SRM: variants seen among roughly 807,000 people sequenced by gnomAD.
SRM encodes putrescine aminopropyltransferase.
Under a neutral mutation model 39.3 loss-of-function variants are expected in SRM, and 14 were observed. The observed-to-expected ratio is 0.36, with a 90% CI of 0.24 to 0.56. The LOEUF is 0.56. Ranked by LOEUF, SRM falls within the 20% of genes least tolerant of loss-of-function variation. SRM has a pLI of 0.86. For synonymous variants in SRM, 195 were observed against 173.1 expected (o/e 1.13, Z -0.99); for missense variants, 244 against 409.2 (o/e 0.60, Z 3.48).
chr1:11,059,558 C>T (rs956269740), intron 1 of SRM: 4 of 935,562 alleles, frequency 4.3e-6, no homozygotes, highest in Non-Finnish European at 6.2e-6. Flanking sequence ...GTCCTGAGGG[C>T]TGACACGTGG....
intron 6 of SRM, among the ~76,000 whole-genome samples, chr1:11,055,359 T>C (rs1389218220): frequency 2.0e-5 from 3 of 151,360 alleles, no homozygotes; most frequent in Non-Finnish European, 4.4e-5. Flanking sequence ...TCCGCCCACC[T>C]TGGTCTCCCA....
chr1:11,055,560 G>A (rs1191141639), intron 6 of SRM, among the ~76,000 whole-genome samples: 2 of 152,004 alleles, frequency 1.3e-5, no homozygotes, highest in African/African-American at 2.4e-5. Flanking sequence ...GACTACAGGC[G>A]CGCGCTGCCA....
rs1296141856 is a variant in SRM, at chr1:11,055,772, C to T, written c.765+9G>A. 1.3e-6 allele frequency: 2 copies of T among 1,554,136 alleles called. No homozygotes were observed. The highest frequency in any genetic ancestry group is 1.9e-4 in the Middle Eastern group (1 of 5,178). ...CCCCAACCCCCACCCCCAGACACCC[C>T]CATCTCACCGGGTTCTTGCTGCACA... On this transcript the variant is annotated intron_variant, in intron 6 of 7. Coordinates refer to ENST00000376957, the MANE Select transcript of SRM (RefSeq NM_003132.3).
intron 3 of SRM, 33 bp downstream of exon 3, chr1:11,058,767 A>G: frequency 1.3e-6 from 2 of 1,568,192 alleles, no homozygotes; most frequent in Middle Eastern, 1.7e-4. Context: ...TGGGAGAACC[A>G]GGACTCAAAC....
chr1:11,058,516 G>A (rs915889186), intron 3 of SRM, among the ~76,000 whole-genome samples: 17 of 144,710 alleles, frequency 1.2e-4, no homozygotes, highest in Non-Finnish European at 7.5e-5. Flanking sequence ...AGCCGAGATC[G>A]CACCATCACA....
chr1:11,055,666 C>T (rs1638861904), intron 6 of SRM, 115 bp downstream of exon 6: 2 of 1,107,844 alleles, frequency 1.8e-6, no homozygotes, highest in Non-Finnish European at 2.6e-6. Context: ...CTGCCCGCCT[C>T]AGCCTCCCAA....
chr1:11,057,717 C>T (rs949067961), intron 3 of SRM, among the ~76,000 whole-genome samples: 8 of 151,580 alleles, frequency 5.3e-5, no homozygotes, highest in Non-Finnish European at 1.2e-4. Context: ...AGGAACCCTG[C>T]CTTCTCCTGT....
rs866482881 is a variant in SRM, at chr1:11,055,707, G to A, written c.765+74C>T. ...TGGGATTACAGGTGTGAGCCACCGC[G>A]CCCGGCAGGGGCAGGGATCTCTATT... is the stretch of plus-strand genomic sequence containing the variant. On this transcript the variant is annotated intron_variant, in intron 6 of 7. Transcript: ENST00000376957. 462 of 1,474,194 alleles carry A rather than the reference G, an allele frequency of 3.1e-4. 4 individuals are homozygous for A. The African/African-American group carries it at 5.7e-3, about 18-fold the overall frequency. 91.3% of individuals were successfully genotyped at this position (1,474,194 alleles called of 1,614,324 possible). A position where few individuals can be genotyped will look rare whatever the true frequency, so the allele number is the denominator to read the frequency against.
chr1:11,057,872 G>A (rs892800922), intron 3 of SRM, among the ~76,000 whole-genome samples: 5 of 151,820 alleles, frequency 3.3e-5, no homozygotes, highest in Non-Finnish European at 7.4e-5. Context: ...TCCGCCTCCC[G>A]GGCTCAAGTA....
At chr1:11,056,317 GACC>G (rs1467263571) in intron 4 of SRM, among the ~76,000 whole-genome samples, 5 of 152,186 alleles carry the variant, frequency 3.3e-5, no homozygotes, top group African/African-American at 1.2e-4. Flanking sequence ...CTCCAGTGCT[GACC>G]ACTTCAGAGC....
chr1:11,058,758 G>T, intron 3 of SRM, 42 bp downstream of exon 3: 1 of 1,540,084 alleles, frequency 6.5e-7, no homozygotes, highest in Non-Finnish European at 8.8e-7. Flanking sequence ...GCTGGCCGCT[G>T]GGAGAACCAG....
At chr1:11,059,088 G>GC in intron 2 of SRM, 137 bp downstream of exon 2, 1 of 1,495,246 alleles carries the variant, frequency 6.7e-7, no homozygotes, top group South Asian at 1.3e-5. Flanking sequence ...GTCAGTGTCG[G>GC]CCCCCACCCC....
chr1:11,055,750 C>A (rs1478610867), intron 6 of SRM, 31 bp downstream of exon 6: 10 of 1,502,744 alleles, frequency 6.7e-6, no homozygotes, highest in South Asian at 1.2e-5. Context: ...ACCTTCCCCC[C>A]AACCCCCACC....
Position 11,056,097 on chromosome 1 carries a change from G to A in SRM, c.536-3C>T. 1 of 1,606,490 alleles carries A rather than the reference G, an allele frequency of 6.2e-7. No individual in the cohort carries two copies. The highest frequency in any genetic ancestry group is 8.5e-7 in the Non-Finnish European group (1 of 1,176,126). On this transcript the variant is annotated splice_polypyrimidine_tract_variant and splice_region_variant and intron_variant, in intron 4 of 7. Transcript: ENST00000376957. ...CTTGAAGAGACTTTCGGCGGGGCCT[G>A]GGGAAGACAGAGGGAGACACACTGA...
chr1:11,059,479 C>T (rs1439534893), intron 1 of SRM, 134 bp from the exon 2 acceptor site: 3 of 1,465,634 alleles, frequency 2.0e-6, no homozygotes, highest in Admixed American at 2.0e-5. Flanking sequence ...TGACACGTGG[C>T]GAGGAACGGC....
chr1:11,059,683 C>G, intron 1 of SRM, 94 bp downstream of exon 1: 1 of 1,405,274 alleles, frequency 7.1e-7, no homozygotes, highest in Non-Finnish European at 9.4e-7. Flanking sequence ...GAGGTCCAGC[C>G]CGCTTGGGTC....
At chr1:11,058,742 G>A (rs1638923458) in intron 3 of SRM, 58 bp downstream of exon 3, 19 of 1,473,498 alleles carry the variant, frequency 1.3e-5, no homozygotes, top group Non-Finnish European at 1.7e-5. Context: ...GCCATTTCAG[G>A]GCACAGCTGG....
At chr1:11,055,258 C>G in intron 6 of SRM, 174 bp from the exon 7 acceptor site, 1 of 982,322 alleles carries the variant, frequency 1.0e-6, no homozygotes, top group South Asian at 1.9e-5. Flanking sequence ...CGCCACCACG[C>G]CCGGCTAATT....
Position 11,054,721 on chromosome 1 carries a change from AG to A in SRM, c.*143del, listed in dbSNP as rs1638836821. On this transcript the variant is annotated 3_prime_UTR_variant, in exon 8 of 8. Coordinates refer to ENST00000376957, the MANE Select transcript of SRM (RefSeq NM_003132.3). The surrounding 1 kb of genome is among the most constrained non-coding windows in gnomAD (Gnocchi z 4.8). The stretch of plus-strand genomic sequence containing the variant: ...ACACAGACAGTCCGCCCAGCAGGGC[AG>A]GCCGGGCAGCATTCTGGGGCTTGTA... 1 of 1,191,298 alleles carries A rather than the reference AG, an allele frequency of 8.4e-7. No individual in the cohort carries two copies. 73.8% of individuals were successfully genotyped at this position (1,191,298 alleles called of 1,614,324 possible). A position where few individuals can be genotyped will look rare whatever the true frequency, so the allele number is the denominator to read the frequency against.
Sources: allele counts gnomAD v4.1 joint callset (sites outside exome capture counted in the v4.1 genomes callset), GRCh38; gene constraint gnomAD v4.1.1; non-coding constraint Gnocchi (gnomAD v3.1); transcripts MANE v1.5; gene names NCBI Gene and HGNC (gene_info 2026-07-23, HGNC 2026-07-21).